SMYD3: variants seen among roughly 807,000 people sequenced by gnomAD.
SMYD3 encodes SET and MYND domain containing 3.
In SMYD3, 36 loss-of-function variants were observed where a neutral mutation model predicts 57.7. The ratio of observed to expected loss-of-function variants is 0.62; its 90% confidence interval spans 0.48 to 0.82. SMYD3 has a LOEUF of 0.82. Ranked by LOEUF, SMYD3 falls within the 40% of genes least tolerant of loss-of-function variation. The pLI is 0.00. For synonymous variants in SMYD3, 211 were observed against 195.0 expected (o/e 1.08, Z -0.68); for missense variants, 515 against 538.8 (o/e 0.96, Z 0.44).
intron 8 of SMYD3, among the ~76,000 whole-genome samples, chr1:245,905,151 G>A (rs2054476194): frequency 6.6e-6 from 1 of 151,698 alleles, no homozygotes; most frequent in African/African-American, 2.4e-5. Flanking sequence ...GGCTTCAGGT[G>A]AGACTCAGCA....
intron 5 of SMYD3, among the ~76,000 whole-genome samples, chr1:245,998,636 G>T (rs1020831700): frequency 6.6e-6 from 1 of 152,042 alleles, no homozygotes; most frequent in Admixed American, 6.6e-5. Context: ...ACTACCAAAC[G>T]ATCTAGCAAT....
intron 1 of SMYD3, among the ~76,000 whole-genome samples, chr1:246,447,687 C>T (rs2067569350): frequency 6.6e-6 from 1 of 152,218 alleles, no homozygotes; most frequent in Admixed American, 6.5e-5. Flanking sequence ...TCACAGTAGG[C>T]AGGTCAGCTC....
chr1:245,832,953 T>C (rs2049917870), intron 10 of SMYD3, among the ~76,000 whole-genome samples: 1 of 151,938 alleles, frequency 6.6e-6, no homozygotes, highest in African/African-American at 2.4e-5. Flanking sequence ...GGAATCAGCA[T>C]TCCAAGAACT....
chr1:245,918,573 C>T (rs56277511), intron 7 of SMYD3, among the ~76,000 whole-genome samples: 6,721 of 152,300 alleles, frequency 0.044, 271 homozygotes, highest in South Asian at 0.12. Context: ...CACAAAGGGT[C>T]ACCTATACCA....
At chr1:246,439,523 TA>T (rs2067431709) in intron 1 of SMYD3, among the ~76,000 whole-genome samples, 1 of 152,180 alleles carries the variant, frequency 6.6e-6, no homozygotes, top group African/African-American at 2.4e-5. Context: ...TCACCTTTGG[TA>T]ACCCTCAAAG....
chr1:246,424,424 A>T (rs2067188271), intron 1 of SMYD3, among the ~76,000 whole-genome samples: 2 of 152,116 alleles, frequency 1.3e-5, no homozygotes, highest in Admixed American at 6.5e-5. Context: ...ATAAATTAAA[A>T]AAATAAATAA....
intron 10 of SMYD3, among the ~76,000 whole-genome samples, chr1:245,797,376 G>A (rs2047570616): frequency 6.6e-6 from 1 of 152,034 alleles, no homozygotes; most frequent in African/African-American, 2.4e-5. Context: ...GTCCTTTGTA[G>A]GGACATGGAT....
chr1:245,789,246 G>C (rs897022925), intron 10 of SMYD3, among the ~76,000 whole-genome samples: 1 of 152,296 alleles, frequency 6.6e-6, no homozygotes, highest in African/African-American at 2.4e-5. Context: ...TTCATAGGCA[G>C]CTCCCTAATG....
At chr1:246,063,689 G>C (rs1303964179) in intron 5 of SMYD3, among the ~76,000 whole-genome samples, 1 of 149,138 alleles carries the variant, frequency 6.7e-6, no homozygotes. Flanking sequence ...GCCCAGACTA[G>C]AGTGCAGTGG....
In SMYD3 at chr1:245,858,608, C is replaced by T. The variant is rs759589293; in HGVS notation, c.964G>A (p.Asp322Asn). 8 of 1,614,050 alleles carry T rather than the reference C, an allele frequency of 5.0e-6. No homozygotes were observed. The highest frequency in any genetic ancestry group is 4.0e-5 in the African/African-American group (3 of 74,922). ...ACCTTCAGCTGGTAGATGTTGATAT[C>T]GGGAAGCCGTTCAGAATTGCTGCTT... The part of the protein sequence containing the change: ...IISSNSERLP[D>N]INIYQLKVLD... The change falls in exon 10 of 12, where the codon GAT becomes AAT. Residue 322 changes from aspartate to asparagine, a missense_variant. Coordinates refer to ENST00000490107, the MANE Select transcript of SMYD3 (RefSeq NM_001167740.2).
chr1:245,938,846 C>A (rs2057093596), intron 5 of SMYD3, among the ~76,000 whole-genome samples: 1 of 152,154 alleles, frequency 6.6e-6, no homozygotes, highest in Non-Finnish European at 1.5e-5. Context: ...CAGCATACTG[C>A]CCCTACACCG....
chr1:246,290,861 T>G (rs1267754342), intron 5 of SMYD3, among the ~76,000 whole-genome samples: 1 of 152,102 alleles, frequency 6.6e-6, no homozygotes, highest in Non-Finnish European at 1.5e-5. Context: ...TCAGCTACCC[T>G]AGCACCATTT....
chr1:246,439,828 T>C (rs1172159108), intron 1 of SMYD3, among the ~76,000 whole-genome samples: 1 of 152,090 alleles, frequency 6.6e-6, no homozygotes, highest in Non-Finnish European at 1.5e-5. Flanking sequence ...CGTGCCCCTA[T>C]AGTCCCAGCT....
intron 5 of SMYD3, among the ~76,000 whole-genome samples, chr1:246,074,258 T>C (rs1416086): frequency 0.27 from 41,660 of 151,736 alleles, 6,194 homozygotes; most frequent in East Asian, 0.4. Flanking sequence ...TCCAAAGCAT[T>C]GACTTTGACC....
chr1:245,931,938 A>T (rs1373269860), intron 5 of SMYD3, among the ~76,000 whole-genome samples: 2 of 152,218 alleles, frequency 1.3e-5, no homozygotes, highest in East Asian at 3.8e-4. Flanking sequence ...CAAATGCTAA[A>T]TTGCTTTAAG....
At chr1:246,229,421 T>C (rs2063379220) in intron 5 of SMYD3, among the ~76,000 whole-genome samples, 1 of 152,210 alleles carries the variant, frequency 6.6e-6, no homozygotes, top group Non-Finnish European at 1.5e-5. Context: ...ATAATGCCAA[T>C]AATTTACTTA....
intron 5 of SMYD3, among the ~76,000 whole-genome samples, chr1:246,216,011 C>T (rs1247675469): frequency 2.0e-5 from 3 of 152,042 alleles, no homozygotes; most frequent in African/African-American, 7.3e-5. Flanking sequence ...AACTCAAGGC[C>T]GGGCACGGTG....
chr1:246,247,061 C>A (rs1056360072), intron 5 of SMYD3, among the ~76,000 whole-genome samples: 1 of 152,058 alleles, frequency 6.6e-6, no homozygotes, highest in Non-Finnish European at 1.5e-5. Context: ...CCTTATTAGA[C>A]CTGAATGTTA....
intron 1 of SMYD3, among the ~76,000 whole-genome samples, chr1:246,493,049 G>A (rs2068295260): frequency 6.6e-6 from 1 of 152,180 alleles, no homozygotes; most frequent in Non-Finnish European, 1.5e-5. Context: ...TGTACTTAAT[G>A]CCACCGAAGG....
Sources: gnomAD v4.1 joint callset for allele counts (sites outside exome capture counted in the v4.1 genomes callset) on GRCh38, gnomAD v4.1.1 for gene constraint, MANE v1.5 for transcripts, NCBI Gene and HGNC (gene_info 2026-07-23, HGNC 2026-07-21) for gene names.